Variants in NMNAT2 observed in about 807,000 individuals in gnomAD.
The protein encoded by NMNAT2 is nicotinamide nucleotide adenylyltransferase 2.
In NMNAT2, 11 loss-of-function variants were observed where a neutral mutation model predicts 41.6. The observed-to-expected ratio is 0.26, with a 90% confidence interval of 0.17 to 0.44. The LOEUF (loss-of-function observed/expected upper bound fraction) is 0.44. NMNAT2 is among the 20% of genes least tolerant of loss of function. NMNAT2 has a pLI of 1.00. For missense variants in NMNAT2, 288 were observed against 407.7 expected, an observed-to-expected ratio of 0.71 and a Z score of 2.53; for synonymous variants, 148 against 151.2, an observed-to-expected ratio of 0.98 and a Z score of 0.16.
At chr1:183,350,085 C>T (rs1663013837) in intron 1 of NMNAT2, among the ~76,000 whole-genome samples, 2 of 152,206 alleles carry the variant, frequency 1.3e-5, no homozygotes, top group Admixed American at 1.3e-4. Context: ...AGACATTGTG[C>T]AAACACTGAG....
At chr1:183,345,681 T>A (rs1331727002) in intron 1 of NMNAT2, among the ~76,000 whole-genome samples, 2 of 126,712 alleles carry the variant, frequency 1.6e-5, no homozygotes, top group African/African-American at 2.8e-5. Context: ...AGAAATAATA[T>A]CCTTTTCTTT....
chr1:183,403,298 C>T (rs1231028841), intron 1 of NMNAT2, among the ~76,000 whole-genome samples: 2 of 152,160 alleles, frequency 1.3e-5, no homozygotes, highest in Admixed American at 1.3e-4. Flanking sequence ...AGAAACATGT[C>T]GTTTCTCAAT....
intron 8 of NMNAT2, among the ~76,000 whole-genome samples, chr1:183,277,512 C>CA (rs759856572): frequency 0.052 from 2,325 of 44,286 alleles, 37 homozygotes; most frequent in Non-Finnish European, 0.072. Context: ...GACTCCGTCT[C>CA]AAAAAAAAAA....
At chr1:183,262,009 T>G (rs1660671605) in intron 8 of NMNAT2, among the ~76,000 whole-genome samples, 1 of 152,062 alleles carries the variant, frequency 6.6e-6, no homozygotes, top group Admixed American at 6.6e-5. Flanking sequence ...CACTGTAGCC[T>G]CAACCTCCTG....
At chr1:183,387,422 G>A (rs1648277858) in intron 1 of NMNAT2, among the ~76,000 whole-genome samples, 1 of 152,124 alleles carries the variant, frequency 6.6e-6, no homozygotes, top group African/African-American at 2.4e-5. Flanking sequence ...GAGGTAAACA[G>A]CTCTTACAGC....
intron 8 of NMNAT2, among the ~76,000 whole-genome samples, chr1:183,263,659 T>G (rs957583868): frequency 6.6e-6 from 1 of 151,954 alleles, no homozygotes; most frequent in Non-Finnish European, 1.5e-5. Flanking sequence ...ACAAAAAAAA[T>G]TAGCCGGGCG....
chr1:183,409,331 T>C (rs1649051100), intron 1 of NMNAT2, among the ~76,000 whole-genome samples: 1 of 152,208 alleles, frequency 6.6e-6, no homozygotes, highest in Non-Finnish European at 1.5e-5. Flanking sequence ...GTTTTTGTTT[T>C]CTTGAGACAG....
chr1:183,365,087 T>C (rs1249181895), intron 1 of NMNAT2, among the ~76,000 whole-genome samples: 1 of 152,232 alleles, frequency 6.6e-6, no homozygotes, highest in Admixed American at 6.5e-5. Context: ...AGATTCCTTA[T>C]AGTTCTGACA....
intron 1 of NMNAT2, among the ~76,000 whole-genome samples, chr1:183,334,151 G>A (rs1197252460): frequency 6.6e-6 from 1 of 152,048 alleles, no homozygotes; most frequent in African/African-American, 2.4e-5. Flanking sequence ...TGAAACCACC[G>A]TCTCTTTCGG....
intron 1 of NMNAT2, among the ~76,000 whole-genome samples, chr1:183,397,094 G>A (rs1196202484): frequency 6.6e-6 from 1 of 152,174 alleles, no homozygotes; most frequent in Non-Finnish European, 1.5e-5. Flanking sequence ...GTGGTGGCAG[G>A]AGAATGGAAA....
chr1:183,296,535 T>TTTAC (rs1557870232), intron 1 of NMNAT2, among the ~76,000 whole-genome samples: 5 of 150,880 alleles, frequency 3.3e-5, no homozygotes, highest in Non-Finnish European at 4.4e-5. Flanking sequence ...TTTTTTTTGA[T>TTTAC]GGAGTCTAGC....
At chr1:183,392,835 A>G (rs944647371) in intron 1 of NMNAT2, among the ~76,000 whole-genome samples, 1 of 151,852 alleles carries the variant, frequency 6.6e-6, no homozygotes, top group Admixed American at 6.6e-5. Flanking sequence ...TCCCCCAATC[A>G]CCTTTTGCAA....
At chr1:183,361,235 G>T (rs1663300759) in intron 1 of NMNAT2, among the ~76,000 whole-genome samples, 1 of 152,174 alleles carries the variant, frequency 6.6e-6, no homozygotes, top group African/African-American at 2.4e-5. Context: ...TGGACTGAAT[G>T]CTACTCACAT....
At chr1:183,256,626 C>A (rs1488118651) in intron 10 of NMNAT2, among the ~76,000 whole-genome samples, 1 of 152,114 alleles carries the variant, frequency 6.6e-6, no homozygotes, top group Non-Finnish European at 1.5e-5. Flanking sequence ...GTTAAACCAG[C>A]CTTGTGTGCC....
intron 1 of NMNAT2, among the ~76,000 whole-genome samples, chr1:183,402,920 G>A (rs1648852491): frequency 1.3e-5 from 2 of 151,138 alleles, no homozygotes; most frequent in South Asian, 2.1e-4. Flanking sequence ...AGCTGCTGTC[G>A]TGCAATAAGA....
intron 8 of NMNAT2, among the ~76,000 whole-genome samples, chr1:183,273,141 A>G (rs919216939): frequency 6.6e-6 from 1 of 152,228 alleles, no homozygotes; most frequent in African/African-American, 2.4e-5. Context: ...CTGTTTCTGT[A>G]CTTCACTTCC....
chr1:183,396,910 A>G (rs1242439942), intron 1 of NMNAT2, among the ~76,000 whole-genome samples: 1 of 152,186 alleles, frequency 6.6e-6, no homozygotes, highest in Non-Finnish European at 1.5e-5. Flanking sequence ...ATTTGCTGCC[A>G]CTAACATAGT....
chr1:183,394,017 A>G (rs185563696), intron 1 of NMNAT2, among the ~76,000 whole-genome samples: 38 of 152,322 alleles, frequency 2.5e-4, no homozygotes, highest in Non-Finnish European at 5.0e-4. Flanking sequence ...AAATAAATGA[A>G]TCACCTAAAA....
chr1:183,268,479 G>C (rs949691662), intron 8 of NMNAT2, among the ~76,000 whole-genome samples: 1 of 152,200 alleles, frequency 6.6e-6, no homozygotes, highest in Admixed American at 6.5e-5. Context: ...TTACTACCGG[G>C]TGGCTAATAT....
Sources: gnomAD v4.1 joint callset for allele counts (sites outside exome capture counted in the v4.1 genomes callset) on GRCh38, gnomAD v4.1.1 for gene constraint, MANE v1.5 for transcripts, NCBI Gene and HGNC (gene_info 2026-07-23, HGNC 2026-07-21) for gene names.